BMPR1B: variants seen among roughly 807,000 people sequenced by gnomAD.
BMPR1B encodes the protein bone morphogenetic protein receptor type 1B, also known as bone morphogenetic protein receptor type-1B.
In BMPR1B, 12 loss-of-function variants were observed where a neutral mutation model predicts 59.1. That is an observed-to-expected ratio of 0.20 (90% CI 0.13 to 0.33). The LOEUF (loss-of-function observed/expected upper bound fraction) is 0.33, where lower values mean the gene tolerates loss of function less well. BMPR1B is among the 10% of genes least tolerant of loss of function. BMPR1B has a pLI of 1.00. For missense variants in BMPR1B, 550 were observed against 610.9 expected (o/e 0.90, Z 1.05); for synonymous variants, 237 against 207.3 (o/e 1.14, Z -1.23).
At chr4:95,146,653 C>A (rs1056778990) in intron 10 of BMPR1B, among the ~76,000 whole-genome samples, 8 of 152,060 alleles carry the variant, frequency 5.3e-5, no homozygotes, top group African/African-American at 1.9e-4. Context: ...ATCTGCAAAC[C>A]CTCATGTTTG....
intron 2 of BMPR1B, among the ~76,000 whole-genome samples, chr4:94,936,398 T>G (rs1264664836): frequency 6.6e-6 from 1 of 152,130 alleles, no homozygotes; most frequent in Non-Finnish European, 1.5e-5. Context: ...TGTAGACTAT[T>G]TACTGCTTTC....
chr4:95,019,556 G>A (rs1287289624), intron 3 of BMPR1B, among the ~76,000 whole-genome samples: 2 of 152,152 alleles, frequency 1.3e-5, no homozygotes, highest in African/African-American at 2.4e-5. Flanking sequence ...CACTGTATTA[G>A]TAGTTTTGAA....
chr4:95,136,259 C>T (rs539159499), intron 10 of BMPR1B, among the ~76,000 whole-genome samples: 6 of 152,262 alleles, frequency 3.9e-5, no homozygotes, highest in African/African-American at 1.4e-4. Flanking sequence ...GGGATGAAGC[C>T]CACTTGATCA....
chr4:94,929,873 C>A (rs1034615522), intron 2 of BMPR1B, among the ~76,000 whole-genome samples: 3 of 152,180 alleles, frequency 2.0e-5, no homozygotes, highest in South Asian at 4.1e-4. Context: ...TCCCTTCCCC[C>A]ACCAGATTTG....
At chr4:94,919,414 A>T (rs1363892755) in intron 2 of BMPR1B, among the ~76,000 whole-genome samples, 1 of 152,212 alleles carries the variant, frequency 6.6e-6, no homozygotes, top group Non-Finnish European at 1.5e-5. Flanking sequence ...CACCTAACAA[A>T]CAAAGGCTTC....
In BMPR1B at chr4:94,949,187, T is replaced by G. The variant is rs28435406; in HGVS notation, c.-112-46853T>G. On this transcript the variant is annotated intron_variant, in intron 2 of 12. Coordinates refer to ENST00000515059, the MANE Select transcript of BMPR1B (RefSeq NM_001203.3). ...CCCTCCCTGTGCCCATATGTTCTCA[T>G]TGTTCAATTCCCATTTATGAGTGAG... Among the ~76,000 whole-genome samples the G allele has an allele frequency of 7.1e-3, 1,074 of 152,268 alleles. 15 individuals are homozygous for G. The highest frequency in any genetic ancestry group is 0.025 in the African/African-American group (1,031 of 41,546).
intron 1 of BMPR1B, among the ~76,000 whole-genome samples, chr4:94,826,969 T>C (rs1172544769): frequency 6.6e-6 from 1 of 152,154 alleles, no homozygotes; most frequent in Non-Finnish European, 1.5e-5. Flanking sequence ...TACTTTCAAA[T>C]GATATAATTA....
intron 10 of BMPR1B, among the ~76,000 whole-genome samples, chr4:95,139,317 C>T (rs1034488852): frequency 1.1e-4 from 17 of 152,152 alleles, no homozygotes; most frequent in Non-Finnish European, 2.1e-4. Flanking sequence ...AGGTGTCAGT[C>T]GGCCCCTACT....
At chr4:94,990,229 G>T (rs932273937) in intron 2 of BMPR1B, among the ~76,000 whole-genome samples, 1 of 152,016 alleles carries the variant, frequency 6.6e-6, no homozygotes, top group Non-Finnish European at 1.5e-5. Flanking sequence ...AGTGGCAGGC[G>T]CCTGTATCCC....
intron 3 of BMPR1B, among the ~76,000 whole-genome samples, chr4:95,049,566 G>T (rs2149185591): frequency 6.7e-6 from 1 of 149,572 alleles, no homozygotes; most frequent in Middle Eastern, 3.7e-3. Flanking sequence ...CTTACTAATA[G>T]GAGCTGTCTG....
At chr4:94,921,943 A>G (rs921519597) in intron 2 of BMPR1B, among the ~76,000 whole-genome samples, 2 of 152,122 alleles carry the variant, frequency 1.3e-5, no homozygotes, top group Admixed American at 6.6e-5. Flanking sequence ...TTTTTCTGAA[A>G]AAAAAAATTC....
intron 2 of BMPR1B, among the ~76,000 whole-genome samples, chr4:94,904,110 A>G (rs1443144407): frequency 2.0e-5 from 3 of 152,038 alleles, no homozygotes; most frequent in Admixed American, 6.6e-5. Context: ...AAAATTTCAA[A>G]TGTGTATTCC....
At chr4:94,871,209 T>G (rs920400090) in intron 1 of BMPR1B, among the ~76,000 whole-genome samples, 30 of 152,292 alleles carry the variant, frequency 2.0e-4, no homozygotes, top group African/African-American at 7.2e-4. Context: ...AAGACCTGTT[T>G]CTTTGCTGCT....
intron 6 of BMPR1B, among the ~76,000 whole-genome samples, chr4:95,116,414 A>AGCGCGCGCGCGCGC (rs746066664): frequency 1.3e-5 from 1 of 74,202 alleles, no homozygotes; most frequent in African/African-American, 4.3e-5. Context: ...CCATGCTTTC[A>AGCGCGCGCGCGCGC]GCGCGCGCAC....
intron 1 of BMPR1B, among the ~76,000 whole-genome samples, chr4:94,768,376 AAC>A (rs1722047077): frequency 1.3e-5 from 2 of 152,076 alleles, no homozygotes; most frequent in African/African-American, 4.8e-5. Flanking sequence ...CAACAACAAC[AAC>A]AAAAAACCTC....
At chr4:95,146,705 C>T (rs1734672849) in intron 10 of BMPR1B, among the ~76,000 whole-genome samples, 1 of 152,138 alleles carries the variant, frequency 6.6e-6, no homozygotes, top group Admixed American at 6.5e-5. Flanking sequence ...CTGGGGTCAC[C>T]ACTATCTTCC....
At chr4:95,074,289 T>C (rs1300256854) in intron 3 of BMPR1B, among the ~76,000 whole-genome samples, 2 of 152,142 alleles carry the variant, frequency 1.3e-5, no homozygotes, top group African/African-American at 4.8e-5. Flanking sequence ...TACTACTCTT[T>C]CCACAGCTTC....
intron 3 of BMPR1B, among the ~76,000 whole-genome samples, chr4:95,005,496 G>C (rs772093471): frequency 4.6e-5 from 7 of 152,036 alleles, no homozygotes; most frequent in Admixed American, 2.0e-4. Flanking sequence ...TGATCTTTCA[G>C]ACAGCCCACC....
chr4:95,143,749 C>T (rs535461220), intron 10 of BMPR1B, among the ~76,000 whole-genome samples: 8 of 152,282 alleles, frequency 5.3e-5, no homozygotes, highest in South Asian at 2.1e-4. Flanking sequence ...TGAATGCAGA[C>T]ATTAACCTCA....
Sources: gnomAD v4.1 joint callset for allele counts (sites outside exome capture counted in the v4.1 genomes callset) on GRCh38, gnomAD v4.1.1 for gene constraint, MANE v1.5 for transcripts, NCBI Gene and HGNC (gene_info 2026-07-23, HGNC 2026-07-21) for gene names.